The following MYO5C variants were observed in gnomAD, a reference collection of about 807,000 sequenced individuals.
MYO5C encodes myosin VC.
In MYO5C, 194 loss-of-function variants were observed where a neutral mutation model predicts 235.7. That is an observed-to-expected ratio of 0.82 (90% CI 0.73 to 0.93). MYO5C has a LOEUF of 0.93. Among genes scored for constraint, MYO5C ranks in the 40% least tolerant of loss-of-function variants. The probability of loss-of-function intolerance (pLI) is 0.00; values close to 1 mark genes in which losing one functional copy is unlikely to be tolerated. For synonymous variants in MYO5C, 707 were observed against 754.8 expected (o/e 0.94, Z 1.04); for missense variants, 2,038 against 2,127.2 (o/e 0.96, Z 0.82).
intron 3 of MYO5C, 56 bp downstream of exon 3, chr15:52,279,453 G>C: frequency 5.1e-6 from 8 of 1,567,984 alleles, no homozygotes; most frequent in Non-Finnish European, 7.0e-6. Context: ...GGAGGCTCTA[G>C]ACAGCAAGCT....
intron 38 of MYO5C, among the ~76,000 whole-genome samples, chr15:52,201,123 T>C (rs1189634086): frequency 2.6e-5 from 4 of 152,084 alleles, no homozygotes; most frequent in African/African-American, 9.7e-5. Flanking sequence ...GCAGACAAAA[T>C]ATCTGAAAAA....
At chr15:52,209,343 T>TG (rs2035392269) in intron 35 of MYO5C, among the ~76,000 whole-genome samples, 1 of 152,184 alleles carries the variant, frequency 6.6e-6, no homozygotes, top group South Asian at 2.1e-4. Flanking sequence ...GTGATCTCTC[T>TG]GTAGAGTGAT....
intron 19 of MYO5C, 83 bp from the exon 20 acceptor site, chr15:52,242,296 T>A (rs565307953): frequency 1.4e-6 from 2 of 1,433,674 alleles, no homozygotes; most frequent in Non-Finnish European, 1.9e-6. Context: ...GGCTAGCATG[T>A]GTTTATAAGG....
rs199531801 is a variant in MYO5C, at chr15:52,225,533, C to G, written c.3208-1G>C. 4 of 1,605,464 alleles carry G rather than the reference C, an allele frequency of 2.5e-6. No homozygotes were observed. In the African/African-American group the frequency reaches 4.0e-5, roughly 16 times the overall value. ...TCTCTTTTTCGAACTCAGAGATTGT[C>G]TGAATCACAGCAATGACGGAATCAG... On this transcript the variant is annotated splice_acceptor_variant, in intron 25 of 40. Transcript: ENST00000261839. LOFTEE classifies it high-confidence loss of function.
At chr15:52,256,773 T>C (rs1165111499) in intron 10 of MYO5C, 53 bp from the exon 11 acceptor site, 11 of 1,366,078 alleles carry the variant, frequency 8.1e-6, no homozygotes, top group African/African-American at 2.9e-5. Context: ...GACATATGCA[T>C]TTGTTTATAG....
At chr15:52,254,627 A>T (rs921235527) in intron 11 of MYO5C, among the ~76,000 whole-genome samples, 1 of 152,022 alleles carries the variant, frequency 6.6e-6, no homozygotes, top group Non-Finnish European at 1.5e-5. Flanking sequence ...ACATTGATGG[A>T]TGACTCAGAA....
intron 38 of MYO5C, among the ~76,000 whole-genome samples, chr15:52,202,716 C>G (rs533058720): frequency 6.6e-6 from 1 of 152,106 alleles, no homozygotes; most frequent in Non-Finnish European, 1.5e-5. Context: ...TCTGAATACC[C>G]CTTTCTATCT....
chr15:52,201,441 G>C (rs1342702490), intron 38 of MYO5C, among the ~76,000 whole-genome samples: 1 of 152,064 alleles, frequency 6.6e-6, no homozygotes, highest in Non-Finnish European at 1.5e-5. Flanking sequence ...ATACCCTTTA[G>C]GAATAAAGGT....
chr15:52,218,839 C>T (rs548510735), intron 31 of MYO5C, 152 bp from the exon 32 acceptor site: 2 of 748,330 alleles, frequency 2.7e-6, no homozygotes, highest in Middle Eastern at 3.9e-4. Flanking sequence ...GGGTGTCCTT[C>T]CAGGGGAAAG....
chr15:52,196,567 C>G (rs952113760), intron 38 of MYO5C, 84 bp from the exon 39 acceptor site: 1 of 1,329,444 alleles, frequency 7.5e-7, no homozygotes, highest in African/African-American at 1.5e-5. Context: ...TACCAGAGTT[C>G]GCTGAGATCC....
At position 52,255,533 on chromosome 15, in the gene MYO5C, A is replaced by G. The variant is rs183287837; in HGVS notation, c.1395+1106T>C. 7.9e-5 allele frequency among the ~76,000 whole-genome samples: 12 copies of G among 152,338 alleles called. No homozygotes were observed. The East Asian group carries it at 1.9e-3, about 24-fold the overall frequency. ...ACAGAGCCAAATATAAATGTTAAGG[A>G]GGCAATTATAAAAAAAATATGAGAG... On this transcript the variant is annotated intron_variant, in intron 11 of 40. Transcript: ENST00000261839.
chr15:52,275,610 G>A lies in MYO5C; in HGVS notation c.558C>T (p.Ser186=). The change falls in exon 5 of 41, where the codon AGC becomes AGT. Residue 186 remains serine, a synonymous_variant. Transcript: ENST00000261839. The part of the protein sequence containing the change: ...RYFATVSKSG[S]NAHVEDKVLA... ...GGACCTTGTCTTCCACGTGAGCGTT[G>A]CTGCCCGATTTGCTGACGGTGGCAA... 1.2e-6 allele frequency: 2 copies of A among 1,614,210 alleles called. No individual in the cohort carries two copies. Among genetic ancestry groups the A allele is most frequent in the Admixed American group, 1.7e-5 (1 of 60,026 alleles).
chr15:52,278,262 T>C (rs975952774), intron 4 of MYO5C, among the ~76,000 whole-genome samples: 1 of 152,198 alleles, frequency 6.6e-6, no homozygotes, highest in Non-Finnish European at 1.5e-5. Flanking sequence ...GCCTTTTACT[T>C]GCTGCCTACC....
In MYO5C at chr15:52,213,123, T is replaced by C. The variant is rs752580726; in HGVS notation, c.4141+65A>G. The C allele has an allele frequency of 2.9e-5, 35 of 1,227,940 alleles. 1 individual carries two copies. Among genetic ancestry groups the C allele is most frequent in the African/African-American group, 4.5e-5 (3 of 67,268 alleles). The allele number at this position is 1,227,940 out of a possible 1,614,324, so 76.1% of individuals were successfully genotyped here. A position where few individuals can be genotyped will look rare whatever the true frequency, so the allele number is the denominator to read the frequency against. Reference sequence around the variant, plus strand: ...AAAGGACCACCCCTGCCCAGGACTTTGGCACTGACTGATATGCAAGTTCTC... The same window carrying C: ...AAAGGACCACCCCTGCCCAGGACTTCGGCACTGACTGATATGCAAGTTCTC... On this transcript the variant is annotated intron_variant, in intron 34 of 40. Transcript: ENST00000261839.
At position 52,205,983 on chromosome 15, in the gene MYO5C, A is replaced by G; in HGVS notation, c.4387-17T>C. On this transcript the variant is annotated splice_polypyrimidine_tract_variant and intron_variant, in intron 36 of 40. Transcript: ENST00000261839. ...CATGAATTCCTAAAAGTAATTTTAA[A>G]CATAAAATATTAGAATAATACAAAC... is the stretch of plus-strand genomic sequence containing the variant. 1 of 1,435,090 alleles carries G rather than the reference A, an allele frequency of 7.0e-7. No homozygotes were observed. Among genetic ancestry groups the G allele is most frequent in the South Asian group, 1.4e-5 (1 of 74,004 alleles). The allele number at this position is 1,435,090 out of a possible 1,614,324, so 88.9% of individuals were successfully genotyped here. A position where few individuals can be genotyped will look rare whatever the true frequency, so the allele number is the denominator to read the frequency against.
intron 9 of MYO5C, among the ~76,000 whole-genome samples, chr15:52,263,545 C>G (rs1291786611): frequency 6.6e-6 from 1 of 152,174 alleles, no homozygotes; most frequent in East Asian, 1.9e-4. Flanking sequence ...TCCCCCTCCC[C>G]TCTCTGGCCT....
intron 1 of MYO5C, among the ~76,000 whole-genome samples, chr15:52,283,600 T>A (rs139026067): frequency 2.6e-5 from 4 of 152,082 alleles, no homozygotes; most frequent in African/African-American, 9.7e-5. Context: ...TAACCCCCAA[T>A]TGACTATATC....
intron 24 of MYO5C, 120 bp downstream of exon 24, chr15:52,232,501 TA>T: frequency 2.2e-6 from 2 of 906,342 alleles, no homozygotes; most frequent in Non-Finnish European, 3.6e-6. Flanking sequence ...TCTCACTTCC[TA>T]AAAACAGTCA....
chr15:52,260,654 C>T (rs2036673670), intron 10 of MYO5C, among the ~76,000 whole-genome samples: 1 of 152,232 alleles, frequency 6.6e-6, no homozygotes, highest in African/African-American at 2.4e-5. Flanking sequence ...TGACATTGGT[C>T]ATTCCTAATT....
Sources: gnomAD v4.1 joint callset for allele counts (sites outside exome capture counted in the v4.1 genomes callset) on GRCh38, gnomAD v4.1.1 for gene constraint, MANE v1.5 for transcripts, NCBI Gene and HGNC (gene_info 2026-07-23, HGNC 2026-07-21) for gene names.